BCAR3: variants seen among roughly 807,000 people sequenced by gnomAD.
The protein encoded by BCAR3 is BCAR3 adaptor protein, NSP family member.
Under a neutral mutation model 80.1 loss-of-function variants are expected in BCAR3, and 37 were observed. The ratio of observed to expected loss-of-function variants is 0.46; its 90% CI spans 0.36 to 0.61. The LOEUF (loss-of-function observed/expected upper bound fraction) is 0.61, where lower values mean the gene tolerates loss of function less well. Ranked by LOEUF, BCAR3 falls within the 20% of genes least tolerant of loss-of-function variation. BCAR3 has a pLI of 0.00. For missense variants in BCAR3, 978 were observed against 1,068.2 expected, an observed-to-expected ratio of 0.92 and a Z score of 1.18; for synonymous variants, 389 against 418.9, an observed-to-expected ratio of 0.93 and a Z score of 0.87.
chr1:93,657,935 C>T (rs1465715111), intron 2 of BCAR3, among the ~76,000 whole-genome samples: 2 of 151,440 alleles, frequency 1.3e-5, no homozygotes, highest in African/African-American at 4.9e-5. Flanking sequence ...GACAGCATGT[C>T]GCTTGTTACT....
chr1:93,825,616 T>A (rs1274709043), intron 2 of BCAR3, among the ~76,000 whole-genome samples: 1 of 137,952 alleles, frequency 7.2e-6, no homozygotes, highest in Non-Finnish European at 1.6e-5. Flanking sequence ...GATGCCCCTT[T>A]TCTCTACTTT....
At chr1:93,763,041 A>G (rs1652009232) in intron 2 of BCAR3, among the ~76,000 whole-genome samples, 1 of 152,186 alleles carries the variant, frequency 6.6e-6, no homozygotes, top group South Asian at 2.1e-4. Flanking sequence ...TGATCTACAT[A>G]AACTCTTCTA....
At chr1:93,668,184 A>G (rs1012787525) in intron 2 of BCAR3, among the ~76,000 whole-genome samples, 2 of 152,220 alleles carry the variant, frequency 1.3e-5, no homozygotes, top group African/African-American at 4.8e-5. Context: ...GCTCCACTCA[A>G]CAAGGACTGC....
intron 2 of BCAR3, among the ~76,000 whole-genome samples, chr1:93,667,442 T>C (rs893216206): frequency 3.9e-5 from 6 of 152,348 alleles, no homozygotes; most frequent in Admixed American, 2.6e-4. Flanking sequence ...GGTTTAGAAC[T>C]TGCTATAGAG....
chr1:93,630,507 G>A (rs1238221589), intron 3 of BCAR3, among the ~76,000 whole-genome samples: 2 of 152,122 alleles, frequency 1.3e-5, no homozygotes, highest in East Asian at 1.9e-4. Context: ...GATGGTGCAT[G>A]CCTGTAGACC....
intron 3 of BCAR3, among the ~76,000 whole-genome samples, chr1:93,703,009 G>C (rs1178680292): frequency 6.6e-6 from 1 of 152,210 alleles, no homozygotes; most frequent in African/African-American, 2.4e-5. Flanking sequence ...TGTGGTCCAA[G>C]GCTGGCCACC....
At chr1:93,770,801 C>G (rs895731205) in intron 2 of BCAR3, among the ~76,000 whole-genome samples, 10 of 152,026 alleles carry the variant, frequency 6.6e-5, no homozygotes, top group African/African-American at 2.4e-4. Flanking sequence ...TAGCTAGGTC[C>G]TACTAACAAA....
chr1:93,724,351 C>T (rs1173147213), intron 2 of BCAR3, among the ~76,000 whole-genome samples: 1 of 152,208 alleles, frequency 6.6e-6, no homozygotes, highest in East Asian at 1.9e-4. Flanking sequence ...GCAGTGCCTT[C>T]CTGGTCTGTT....
chr1:93,762,977 A>T (rs1469744211), intron 2 of BCAR3, among the ~76,000 whole-genome samples: 3 of 152,130 alleles, frequency 2.0e-5, no homozygotes, highest in South Asian at 2.1e-4. Flanking sequence ...TGCCCCTTTC[A>T]ATCTATTCTC....
At chr1:93,689,482 G>T (rs1649093547) in intron 3 of BCAR3, among the ~76,000 whole-genome samples, 1 of 149,372 alleles carries the variant, frequency 6.7e-6, no homozygotes, top group African/African-American at 2.5e-5. Flanking sequence ...AGTGAGCCGA[G>T]ATCGCACCAT....
intron 8 of BCAR3, among the ~76,000 whole-genome samples, chr1:93,573,849 G>A (rs1269566816): frequency 2.0e-5 from 3 of 151,878 alleles, no homozygotes; most frequent in Admixed American, 6.6e-5. Context: ...AGCTGGTCTC[G>A]AATTCCTGGG....
intron 1 of BCAR3, among the ~76,000 whole-genome samples, chr1:93,846,556 T>G (rs886790328): frequency 1.3e-5 from 2 of 152,084 alleles, no homozygotes. Flanking sequence ...CTCAGATTCG[T>G]GGCGACCGCA....
intron 2 of BCAR3, among the ~76,000 whole-genome samples, chr1:93,813,951 G>A (rs577429080): frequency 6.6e-6 from 1 of 152,288 alleles, no homozygotes; most frequent in African/African-American, 2.4e-5. Context: ...CAATTTTGAA[G>A]GGTACTAGCC....
intron 2 of BCAR3, among the ~76,000 whole-genome samples, chr1:93,773,954 T>A (rs1652447114): frequency 6.6e-6 from 1 of 152,306 alleles, no homozygotes; most frequent in Non-Finnish European, 1.5e-5. Flanking sequence ...TGGTGATTTC[T>A]GAGTAGCCTT....
At chr1:93,588,410 CT>C (rs938316242) in intron 5 of BCAR3, among the ~76,000 whole-genome samples, 26 of 152,228 alleles carry the variant, frequency 1.7e-4, no homozygotes, top group African/African-American at 6.3e-4. Flanking sequence ...TCCTGTCTCT[CT>C]CCTCACCCCC....
intron 2 of BCAR3, among the ~76,000 whole-genome samples, chr1:93,837,544 T>C (rs1654814465): frequency 1.3e-5 from 2 of 152,330 alleles, no homozygotes; most frequent in South Asian, 2.1e-4. Context: ...GAGAGCCATA[T>C]TAATCCATTC....
At chr1:93,733,789 C>T (rs1262381411) in intron 2 of BCAR3, among the ~76,000 whole-genome samples, 1 of 152,244 alleles carries the variant, frequency 6.6e-6, no homozygotes, top group African/African-American at 2.4e-5. Flanking sequence ...CAGATCCTCT[C>T]ATTTTCTCAG....
At chr1:93,669,300 C>A (rs1041896761) in intron 2 of BCAR3, among the ~76,000 whole-genome samples, 1 of 152,132 alleles carries the variant, frequency 6.6e-6, no homozygotes, top group African/African-American at 2.4e-5. Context: ...TTGATACAGC[C>A]CAGAGTTAGG....
intron 2 of BCAR3, among the ~76,000 whole-genome samples, chr1:93,825,626 T>C (rs1374459938): frequency 1.4e-5 from 2 of 141,576 alleles, no homozygotes; most frequent in African/African-American, 2.5e-5. Flanking sequence ...TTCTCTACTT[T>C]GAGCTCGGCC....
Sources: allele counts gnomAD v4.1 joint callset (sites outside exome capture counted in the v4.1 genomes callset), GRCh38; gene constraint gnomAD v4.1.1; transcripts MANE v1.5; gene names NCBI Gene and HGNC (gene_info 2026-07-23, HGNC 2026-07-21).